The following CLCC1 variants were observed in gnomAD, a reference collection of about 807,000 sequenced individuals.
CLCC1 encodes the protein chloride channel CLIC like 1.
A neutral mutation model predicts 63.3 loss-of-function variants in CLCC1; 39 were observed. That is an observed-to-expected ratio of 0.62 (90% CI 0.48 to 0.81). The LOEUF is 0.81. Ranked by LOEUF, CLCC1 falls within the 30% of genes least tolerant of loss-of-function variation. The pLI is 0.00. For synonymous variants in CLCC1, 217 were observed against 239.8 expected, an observed-to-expected ratio of 0.90 and a Z score of 0.88; for missense variants, 549 against 669.4, an observed-to-expected ratio of 0.82 and a Z score of 1.98.
intron 7 of CLCC1, among the ~76,000 whole-genome samples, chr1:108,942,325 AT>A (rs1653957494): frequency 6.6e-6 from 1 of 152,196 alleles, no homozygotes; most frequent in South Asian, 2.1e-4. Flanking sequence ...ATGATATCCT[AT>A]TTTGCACTGG....
intron 5 of CLCC1, among the ~76,000 whole-genome samples, chr1:108,945,339 A>T (rs1414966422): frequency 6.6e-6 from 1 of 152,160 alleles, no homozygotes; most frequent in African/African-American, 2.4e-5. Flanking sequence ...AAATAAAAAA[A>T]ATCACCCCTC....
rs905093258 is a variant in CLCC1, at chr1:108,942,911, C to CT, written c.702+563dup. On this transcript the variant is annotated intron_variant, in intron 7 of 12. Transcript: ENST00000369969. Reference sequence around the variant, plus strand: ...TTAAATGTATCCACATAGCTTTATTCTTTTTTTTTTCTTCCTTGTTTTTGA... The same window carrying CT: ...TTAAATGTATCCACATAGCTTTATTCTTTTTTTTTTTCTTCCTTGTTTTTGA... Among the ~76,000 whole-genome samples the CT allele has an allele frequency of 1.3e-4, 19 of 149,494 alleles. No homozygotes were observed. In the South Asian group the frequency reaches 1.5e-3, roughly 12 times the overall value.
At chr1:108,934,247 T>C (rs1652503560) in intron 12 of CLCC1, 2 of 171,620 alleles carry the variant, frequency 1.2e-5, no homozygotes, top group African/African-American at 4.8e-5. Context: ...TGCATGAAGA[T>C]GCTGGAGGCA....
At chr1:108,938,327 C>T (rs1383860465) in intron 10 of CLCC1, among the ~76,000 whole-genome samples, 1 of 152,140 alleles carries the variant, frequency 6.6e-6, no homozygotes, top group Non-Finnish European at 1.5e-5. Flanking sequence ...GCACATGAAA[C>T]AAAAACAGAT....
In CLCC1 at chr1:108,957,483, A is replaced by G. The variant is rs144760691; in HGVS notation, c.-12+4826T>C. ...GGAAGGCCACCCACTAAGTGGGAATATAGCTTTTCACTTTCATGTGAGCAA... is the reference window on the plus strand; with the variant it reads ...GGAAGGCCACCCACTAAGTGGGAATGTAGCTTTTCACTTTCATGTGAGCAA... On this transcript the variant is annotated intron_variant, in intron 2 of 12. Transcript: ENST00000369969. Among the ~76,000 whole-genome samples the G allele has an allele frequency of 4.6e-3, 703 of 151,654 alleles. 42 individuals are homozygous for G. Among genetic ancestry groups the G allele is most frequent in the African/African-American group, 0.017 (678 of 40,906 alleles).
At position 108,937,145 on chromosome 1, in the gene CLCC1, G is replaced by T; in HGVS notation, c.1315C>A (p.Pro439Thr). 6.4e-7 allele frequency: 1 copy of T among 1,567,628 alleles called. No homozygotes were observed. The highest frequency in any genetic ancestry group is 8.6e-7 in the Non-Finnish European group (1 of 1,158,096). Residue 439 changes from proline to threonine, a missense_variant, in exon 11 of 13, where the codon CCT becomes ACT. Coordinates refer to ENST00000369969, the MANE Select transcript of CLCC1 (RefSeq NM_001377458.1). Reference protein sequence around the residue: ...DLRFQTGNKSPEVLRAFDVPD... With the variant: ...DLRFQTGNKSTEVLRAFDVPD... The stretch of plus-strand genomic sequence containing the variant: ...ACATCAAATGCCCGGAGCACTTCAG[G>T]GCTCTTGTTGCCAGTCTGAAATCTC...
Position 108,929,582 on chromosome 1 carries a change from C to G in CLCC1, c.*2965G>C. ...ACAATATAAAAACAAAGATTAATTTCTGAGAAGCCCCAAATAAAAGTTTAC... is the reference window on the plus strand; with the variant it reads ...ACAATATAAAAACAAAGATTAATTTGTGAGAAGCCCCAAATAAAAGTTTAC... On this transcript the variant is annotated 3_prime_UTR_variant, in exon 13 of 13. Transcript: ENST00000369969. 2.4e-6 allele frequency: 2 copies of G among 840,740 alleles called. No individual in the cohort carries two copies. Among genetic ancestry groups the G allele is most frequent in the Admixed American group, 2.1e-5 (1 of 47,844 alleles). 52.1% of individuals were successfully genotyped at this position (840,740 alleles called of 1,614,324 possible). A position where few individuals can be genotyped will look rare whatever the true frequency, so the allele number is the denominator to read the frequency against.
intron 4 of CLCC1, among the ~76,000 whole-genome samples, 190 bp from the exon 5 acceptor site, chr1:108,947,908 A>G (rs1035636785): frequency 6.6e-6 from 1 of 152,232 alleles, no homozygotes; most frequent in Non-Finnish European, 1.5e-5. Flanking sequence ...GCAAAGGGCA[A>G]GTAGGCAACA....
intron 8 of CLCC1, among the ~76,000 whole-genome samples, chr1:108,940,902 T>C (rs1653751998): frequency 6.6e-6 from 1 of 152,162 alleles, no homozygotes; most frequent in Non-Finnish European, 1.5e-5. Context: ...CATTGCTAGA[T>C]ACATACAACC....
At chr1:108,938,900 G>C (rs899378706) in intron 10 of CLCC1, among the ~76,000 whole-genome samples, 1 of 151,972 alleles carries the variant, frequency 6.6e-6, no homozygotes, top group Admixed American at 6.6e-5. Flanking sequence ...AATCAAACTA[G>C]AGAACTACTT....
intron 2 of CLCC1, among the ~76,000 whole-genome samples, chr1:108,962,055 C>G (rs943074330): frequency 8.5e-5 from 13 of 152,096 alleles, no homozygotes; most frequent in African/African-American, 3.1e-4. Flanking sequence ...ACTGCCTCTC[C>G]AGGGCAAAAG....
chr1:108,936,517 C>G (rs1172818936), intron 11 of CLCC1, among the ~76,000 whole-genome samples: 1 of 152,238 alleles, frequency 6.6e-6, no homozygotes, highest in Non-Finnish European at 1.5e-5. Flanking sequence ...GCAATTTAAA[C>G]ATTTCAAATG....
chr1:108,952,496 G>A (rs375843738), intron 2 of CLCC1, among the ~76,000 whole-genome samples: 8 of 152,002 alleles, frequency 5.3e-5, no homozygotes. Flanking sequence ...TAACAAATGA[G>A]AAATAAGAAA....
intron 10 of CLCC1, among the ~76,000 whole-genome samples, chr1:108,939,369 C>G (rs11587335): frequency 6.8e-6 from 1 of 146,560 alleles, no homozygotes; most frequent in East Asian, 2.0e-4. Context: ...TACAGTGGTG[C>G]GATCTCGGCT....
In CLCC1 at chr1:108,943,961, A is replaced by C. The variant is rs896585731; in HGVS notation, c.436T>G (p.Trp146Gly). The C allele has an allele frequency of 7.4e-6, 12 of 1,613,510 alleles. No individual in the cohort carries two copies. The African/African-American group carries it at 1.5e-4, about 20-fold the overall frequency. The change falls in exon 6 of 13, where the codon TGG becomes GGG. Residue 146 changes from tryptophan (W) to glycine (G), a missense_variant. By Grantham distance (184) the Trp-to-Gly change is radical. Transcript: ENST00000369969. The part of the protein sequence containing the change: ...EIQKFLNGED[W>G]KPGALDDALS... Reference sequence around the variant, plus strand: ...GCATCATCCAAGGCACCTGGTTTCCAGTCTTCTCCATTGAGAAACTTCTGT... The same window carrying C: ...GCATCATCCAAGGCACCTGGTTTCCCGTCTTCTCCATTGAGAAACTTCTGT...
At chr1:108,956,448 T>G (rs911348507) in intron 2 of CLCC1, among the ~76,000 whole-genome samples, 1 of 150,788 alleles carries the variant, frequency 6.6e-6, no homozygotes, top group African/African-American at 2.5e-5. Context: ...GATCACAAGG[T>G]CAGGAGATCG....
chr1:108,959,130 C>T (rs576753607), intron 2 of CLCC1, among the ~76,000 whole-genome samples: 2 of 152,244 alleles, frequency 1.3e-5, no homozygotes, highest in East Asian at 1.9e-4. Flanking sequence ...GCCGAGATCA[C>T]GCCATTGCAC....
chr1:108,950,335 C>T lies in CLCC1; in HGVS notation c.103G>A (p.Ala35Thr), dbSNP rs1476793970. The T allele has an allele frequency of 5.6e-6, 9 of 1,612,832 alleles. No individual in the cohort carries two copies. The highest frequency in any genetic ancestry group is 7.6e-6 in the Non-Finnish European group (9 of 1,179,390). Residue 35 changes from alanine to threonine, a missense_variant, in exon 3 of 13, where the codon GCT (alanine) becomes ACT (threonine). Transcript: ENST00000369969. ...TGAGATTTTCTCATTGTTCCTGAAGCAGCATCATAGTTAAGCATGTCTGTG... is the reference window on the plus strand; with the variant it reads ...TGAGATTTTCTCATTGTTCCTGAAGTAGCATCATAGTTAAGCATGTCTGTG... ...DPTDMLNYDA[A>T]SGTMRKSQAK...
At chr1:108,938,075 G>T (rs1310004165) in intron 10 of CLCC1, among the ~76,000 whole-genome samples, 1 of 152,172 alleles carries the variant, frequency 6.6e-6, no homozygotes, top group Non-Finnish European at 1.5e-5. Flanking sequence ...GCCTCACTCA[G>T]ACTCAGGGGA....
Sources: allele counts gnomAD v4.1 joint callset (sites outside exome capture counted in the v4.1 genomes callset), GRCh38; gene constraint gnomAD v4.1.1; transcripts MANE v1.5; gene names NCBI Gene and HGNC (gene_info 2026-07-23, HGNC 2026-07-21).